Variants in SPARCL1 observed in about 807,000 individuals in gnomAD.
The protein encoded by SPARCL1 is SPARC like 1.
Under a neutral mutation model 67.1 loss-of-function variants are expected in SPARCL1, and 52 were observed. That is an observed-to-expected ratio of 0.78 (90% confidence interval 0.62 to 0.98). The LOEUF is 0.98. Ranked by LOEUF, SPARCL1 falls within the 50% of genes least tolerant of loss-of-function variation. SPARCL1 has a pLI of 0.00. For synonymous variants in SPARCL1, 226 were observed against 267.8 expected, an observed-to-expected ratio of 0.84 and a Z score of 1.52; for missense variants, 717 against 782.4, an observed-to-expected ratio of 0.92 and a Z score of 1.00.
Position 87,481,371 on chromosome 4 carries a change from G to C in SPARCL1, c.1669-851C>G, listed in dbSNP as rs192861171. Reference sequence around the variant, plus strand: ...CCTCTACCATCTCCCACTGCTAGGTGGGACTCTTGTACTCACTTTCCACTC... The same window carrying C: ...CCTCTACCATCTCCCACTGCTAGGTCGGACTCTTGTACTCACTTTCCACTC... On this transcript the variant is annotated intron_variant, in intron 8 of 10. Coordinates refer to ENST00000282470, the MANE Select transcript of SPARCL1 (RefSeq NM_004684.6). 2.6e-5 allele frequency among the ~76,000 whole-genome samples: 4 copies of C among 152,244 alleles called. No individual in the cohort carries two copies. The East Asian group carries it at 5.8e-4, about 22-fold the overall frequency.
At chr4:87,509,506 T>C (rs1245988711) in intron 1 of SPARCL1, among the ~76,000 whole-genome samples, 2 of 152,194 alleles carry the variant, frequency 1.3e-5, no homozygotes, top group Admixed American at 6.5e-5. Context: ...TGAAAACTAA[T>C]AAACAGTAGT....
At chr4:87,474,480 C>T (rs1723482147) in intron 10 of SPARCL1, among the ~76,000 whole-genome samples, 1 of 152,010 alleles carries the variant, frequency 6.6e-6, no homozygotes, top group South Asian at 2.1e-4. Flanking sequence ...ATATTTGCAC[C>T]CATAGCCTTT....
At chr4:87,504,511 A>AC (rs1724994331) in intron 1 of SPARCL1, among the ~76,000 whole-genome samples, 1 of 152,096 alleles carries the variant, frequency 6.6e-6, no homozygotes, top group Admixed American at 6.5e-5. Context: ...CTTTACAACA[A>AC]CCCCAGGATG....
In SPARCL1 at chr4:87,494,975, T is replaced by C; in HGVS notation, c.201+6A>G. ...ATTGTATTAATATAAATGATGTTAC[T>C]TTTACCTTATGGTGGGAATCGTCTT... On this transcript the variant is annotated splice_donor_region_variant and intron_variant, in intron 3 of 10. Coordinates refer to ENST00000282470, the MANE Select transcript of SPARCL1 (RefSeq NM_004684.6). 6.3e-7 allele frequency: 1 copy of C among 1,594,998 alleles called. No individual in the cohort carries two copies. Among genetic ancestry groups the C allele is most frequent in the Non-Finnish European group, 8.5e-7 (1 of 1,174,224 alleles).
intron 7 of SPARCL1, among the ~76,000 whole-genome samples, chr4:87,487,613 G>A (rs1268115908): frequency 6.6e-6 from 1 of 152,154 alleles, no homozygotes; most frequent in Non-Finnish European, 1.5e-5. Context: ...GGTGTTCTCC[G>A]TATTTGCTGA....
intron 1 of SPARCL1, among the ~76,000 whole-genome samples, chr4:87,509,916 T>A (rs1479057511): frequency 1.3e-5 from 2 of 152,156 alleles, no homozygotes; most frequent in African/African-American, 4.8e-5. Context: ...AATTGTAACA[T>A]CAAGGTGAGG....
At position 87,479,497 on chromosome 4, in the gene SPARCL1, C is replaced by T; in HGVS notation, c.1899G>A (p.Glu633=). 4.3e-6 allele frequency: 7 copies of T among 1,614,090 alleles called. No individual in the cohort carries two copies. Among genetic ancestry groups the T allele is most frequent in the Non-Finnish European group, 5.9e-6 (7 of 1,179,988 alleles). The part of the protein sequence containing the change: ...MEHCITRFFE[E]CDPNKDKHIT... ...TGTGCTTATCCTTGTTGGGGTCACACTCCTCAAAGAAACGGGTTATGCAGT... is the reference window on the plus strand; with the variant it reads ...TGTGCTTATCCTTGTTGGGGTCACATTCCTCAAAGAAACGGGTTATGCAGT... The change falls in exon 10 of 11, where the codon GAG becomes GAA. Residue 633 remains glutamate, a synonymous_variant. Transcript: ENST00000282470.
At chr4:87,480,595 C>T in intron 8 of SPARCL1, 75 bp from the exon 9 acceptor site, 2 of 1,393,890 alleles carry the variant, frequency 1.4e-6, no homozygotes, top group East Asian at 2.3e-5. Context: ...ATAAACTTTA[C>T]TTGAAGAGTG....
intron 1 of SPARCL1, among the ~76,000 whole-genome samples, chr4:87,502,870 C>G (rs1724907795): frequency 6.6e-6 from 1 of 152,234 alleles, no homozygotes; most frequent in South Asian, 2.1e-4. Context: ...AGTAACCTGA[C>G]AGTCTTGATG....
chr4:87,515,312 A>G (rs540453384), intron 1 of SPARCL1, among the ~76,000 whole-genome samples: 1 of 152,332 alleles, frequency 6.6e-6, no homozygotes, highest in South Asian at 2.1e-4. Flanking sequence ...ACATTTTCTT[A>G]TCTATCTTCT....
At chr4:87,505,267 T>C (rs1725027620) in intron 1 of SPARCL1, among the ~76,000 whole-genome samples, 1 of 152,186 alleles carries the variant, frequency 6.6e-6, no homozygotes, top group Non-Finnish European at 1.5e-5. Context: ...ATTGCTGCTA[T>C]CTTTTCCCCT....
intron 2 of SPARCL1, 58 bp downstream of exon 2, chr4:87,499,463 G>A (rs1724757169): frequency 2.3e-6 from 3 of 1,323,970 alleles, no homozygotes; most frequent in Non-Finnish European, 2.2e-6. Flanking sequence ...TTAAATGGAG[G>A]ATTTCTGCAT....
chr4:87,475,655 C>T (rs1723556613), intron 10 of SPARCL1, among the ~76,000 whole-genome samples: 1 of 152,136 alleles, frequency 6.6e-6, no homozygotes, highest in South Asian at 2.1e-4. Context: ...TACTAATCAT[C>T]AGGAAAATTT....
chr4:87,481,072 G>T (rs1310513323), intron 8 of SPARCL1, among the ~76,000 whole-genome samples: 1 of 151,996 alleles, frequency 6.6e-6, no homozygotes, highest in Admixed American at 6.6e-5. Flanking sequence ...TCAAGACGGG[G>T]GCTAGAAATT....
At chr4:87,483,293 GT>G (rs1723908434) in intron 7 of SPARCL1, among the ~76,000 whole-genome samples, 1 of 152,050 alleles carries the variant, frequency 6.6e-6, no homozygotes, top group Non-Finnish European at 1.5e-5. Context: ...GTGTCCATGT[GT>G]TTTCACTGTT....
At chr4:87,490,438 C>A (rs199685783) in intron 6 of SPARCL1, 45 bp from the exon 7 acceptor site, 19 of 1,571,436 alleles carry the variant, frequency 1.2e-5, no homozygotes, top group South Asian at 1.2e-4. Context: ...GCCAAATGCT[C>A]ACTGGAAGAC....
chr4:87,476,707 C>T lies in SPARCL1; in HGVS notation c.1966+2723G>A, dbSNP rs547543581. On this transcript the variant is annotated intron_variant, in intron 10 of 10. Transcript: ENST00000282470. Reference sequence around the variant, plus strand: ...AAATGAGGATTCCTGCACCTGTTACCTGAACCCCATTTTTACAGATAAGGA... The same window carrying T: ...AAATGAGGATTCCTGCACCTGTTACTTGAACCCCATTTTTACAGATAAGGA... 1.4e-3 allele frequency among the ~76,000 whole-genome samples: 215 copies of T among 152,280 alleles called. 1 individual carries two copies. Among genetic ancestry groups the T allele is most frequent in the African/African-American group, 4.9e-3 (203 of 41,552 alleles).
intron 1 of SPARCL1, among the ~76,000 whole-genome samples, chr4:87,508,703 G>A (rs1485538915): frequency 6.6e-6 from 1 of 151,588 alleles, no homozygotes; most frequent in East Asian, 1.9e-4. Context: ...GTCCGCTTAT[G>A]AGGCCTAAAA....
intron 7 of SPARCL1, among the ~76,000 whole-genome samples, chr4:87,485,956 T>C (rs972931560): frequency 3.9e-5 from 6 of 152,126 alleles, no homozygotes; most frequent in African/African-American, 7.2e-5. Flanking sequence ...TCTTCTCTCT[T>C]TCCTTCTCTA....
Sources: allele counts gnomAD v4.1 joint callset (sites outside exome capture counted in the v4.1 genomes callset), GRCh38; gene constraint gnomAD v4.1.1; transcripts MANE v1.5; gene names NCBI Gene and HGNC (gene_info 2026-07-23, HGNC 2026-07-21).